The following TRIQK variants were observed in gnomAD, a reference collection of about 807,000 sequenced individuals.
The protein encoded by TRIQK is triple QxxK/R motif containing.
A neutral mutation model predicts 10.8 loss-of-function variants in TRIQK; 10 were observed. The ratio of observed to expected loss-of-function variants is 0.92; its 90% confidence interval spans 0.57 to 1.57. The LOEUF is 1.57. TRIQK is among the 40% of genes most tolerant of loss of function. The probability of loss-of-function intolerance (pLI) is 0.00; values close to 1 mark genes in which losing one functional copy is unlikely to be tolerated. For missense variants in TRIQK, 107 were observed against 97.7 expected (o/e 1.09, Z -0.40); for synonymous variants, 33 against 33.7 (o/e 0.98, Z 0.07).
intron 3 of TRIQK, among the ~76,000 whole-genome samples, chr8:92,907,995 T>G (rs1419466081): frequency 6.6e-6 from 1 of 152,160 alleles, no homozygotes; most frequent in Admixed American, 6.5e-5. Context: ...AAAAGTTATC[T>G]ATGCCAGAAA....
intron 1 of TRIQK, among the ~76,000 whole-genome samples, chr8:92,983,048 G>A (rs1813001307): frequency 1.3e-5 from 2 of 152,060 alleles, no homozygotes; most frequent in South Asian, 4.2e-4. Flanking sequence ...AATCAAATAA[G>A]ATAATGTTTT....
intron 2 of TRIQK, among the ~76,000 whole-genome samples, chr8:92,947,560 G>A (rs1811616738): frequency 7.0e-6 from 1 of 142,960 alleles, no homozygotes; most frequent in Non-Finnish European, 1.5e-5. Flanking sequence ...TTCTAGCCCG[G>A]GCAATAAGAG....
chr8:93,012,816 G>C (rs1393650522), intron 1 of TRIQK, among the ~76,000 whole-genome samples: 1 of 152,156 alleles, frequency 6.6e-6, no homozygotes, highest in Non-Finnish European at 1.5e-5. Context: ...TCAAAATGTA[G>C]TGCTGGAACC....
intron 1 of TRIQK, among the ~76,000 whole-genome samples, chr8:92,986,805 G>A (rs1813038423): frequency 1.3e-5 from 2 of 152,168 alleles, no homozygotes; most frequent in African/African-American, 4.8e-5. Context: ...ATTGGAGGCT[G>A]AGGGTGAATG....
At chr8:92,986,005 A>AT (rs568290905) in intron 1 of TRIQK, among the ~76,000 whole-genome samples, 86 of 152,248 alleles carry the variant, frequency 5.6e-4, no homozygotes, top group African/African-American at 2.0e-3. Flanking sequence ...TGACTAGCAC[A>AT]TTTTTCCCTA....
intron 1 of TRIQK, among the ~76,000 whole-genome samples, chr8:93,002,932 A>T (rs892261110): frequency 2.0e-5 from 3 of 151,992 alleles, no homozygotes; most frequent in South Asian, 4.2e-4. Flanking sequence ...AAAAAAAAAA[A>T]AACCTCATTA....
chr8:92,900,292 C>T (rs1808857103), intron 3 of TRIQK, among the ~76,000 whole-genome samples: 1 of 152,080 alleles, frequency 6.6e-6, no homozygotes, highest in Admixed American at 6.6e-5. Flanking sequence ...GTTGTCTGAG[C>T]TTGTGAACTA....
chr8:92,951,876 TA>T (rs1053282343), intron 2 of TRIQK, among the ~76,000 whole-genome samples: 1 of 152,016 alleles, frequency 6.6e-6, no homozygotes, highest in Non-Finnish European at 1.5e-5. Flanking sequence ...CTGTCTTCAC[TA>T]AAGGAGGGGA....
chr8:93,011,406 A>G (rs1020951330), intron 1 of TRIQK, among the ~76,000 whole-genome samples: 1 of 152,176 alleles, frequency 6.6e-6, no homozygotes, highest in Non-Finnish European at 1.5e-5. Context: ...TAAAACTCAC[A>G]AGTAGAAAAT....
At chr8:92,943,792 T>C (rs1290240953) in intron 2 of TRIQK, among the ~76,000 whole-genome samples, 3 of 152,156 alleles carry the variant, frequency 2.0e-5, no homozygotes, top group Admixed American at 2.0e-4. Flanking sequence ...AGGATTTTTT[T>C]GGGTAAGATC....
At chr8:92,931,452 T>C (rs370031458) in intron 2 of TRIQK, among the ~76,000 whole-genome samples, 11 of 152,090 alleles carry the variant, frequency 7.2e-5, no homozygotes, top group African/African-American at 2.7e-4. Flanking sequence ...CATTACCCAA[T>C]ATTACTTGCC....
intron 1 of TRIQK, among the ~76,000 whole-genome samples, chr8:92,996,423 T>C (rs1813154207): frequency 6.6e-6 from 1 of 152,046 alleles, no homozygotes; most frequent in Non-Finnish European, 1.5e-5. Context: ...TCAAGACATG[T>C]AAGCAAAATT....
intron 3 of TRIQK, among the ~76,000 whole-genome samples, chr8:92,916,531 A>G (rs1809857767): frequency 6.6e-6 from 1 of 152,048 alleles, no homozygotes; most frequent in Non-Finnish European, 1.5e-5. Flanking sequence ...TATTTAGCAT[A>G]TTTTACAGGA....
At chr8:93,015,444 T>G (rs1813374940) in intron 1 of TRIQK, among the ~76,000 whole-genome samples, 1 of 150,010 alleles carries the variant, frequency 6.7e-6, no homozygotes, top group East Asian at 2.0e-4. Flanking sequence ...CTCAGAAAGT[T>G]AAAAAAGCAT....
intron 4 of TRIQK, among the ~76,000 whole-genome samples, chr8:92,888,807 C>T (rs928943932): frequency 6.6e-6 from 1 of 151,522 alleles, no homozygotes; most frequent in African/African-American, 2.4e-5. Context: ...AACTTGTGAT[C>T]CTTATTCTTT....
At chr8:92,988,072 T>C (rs1471680230) in intron 1 of TRIQK, among the ~76,000 whole-genome samples, 1 of 145,344 alleles carries the variant, frequency 6.9e-6, no homozygotes, top group African/African-American at 2.5e-5. Context: ...AGTGGCGCGA[T>C]CTCGGCTCAC....
At chr8:92,966,799 A>G (rs77002873), upstream of TRIQK, among the ~76,000 whole-genome samples, 584 of 152,258 alleles carry the variant, frequency 3.8e-3, 4 homozygotes, top group African/African-American at 0.013. Flanking sequence ...TCAACCATTC[A>G]ACAAATCTAA....
chr8:92,963,772 A>C (rs532586597), intron 1 of TRIQK: 2 of 152,418 alleles, frequency 1.3e-5, no homozygotes, highest in Admixed American at 1.3e-4. Context: ...GCACTCCTGT[A>C]ATCCCAGCTA....
chr8:92,995,542 C>T (rs1014193296), intron 1 of TRIQK, among the ~76,000 whole-genome samples: 2 of 151,778 alleles, frequency 1.3e-5, no homozygotes, highest in African/African-American at 4.8e-5. Context: ...TATCATTTAT[C>T]TTATTTTTTT....
Sources: allele counts gnomAD v4.1 joint callset (sites outside exome capture counted in the v4.1 genomes callset), GRCh38; gene constraint gnomAD v4.1.1; transcripts MANE v1.5; gene names NCBI Gene and HGNC (gene_info 2026-07-23, HGNC 2026-07-21).